Variants in KIF13A observed in about 807,000 individuals in gnomAD.
KIF13A encodes the protein kinesin family member 13A, also known as kinesin-like protein KIF13A.
KIF13A carries 79 observed loss-of-function variants against 212.2 expected under a neutral mutation model. The observed-to-expected ratio is 0.37, with a 90% CI of 0.31 to 0.45. The LOEUF (loss-of-function observed/expected upper bound fraction) is 0.45, where lower values mean the gene tolerates loss of function less well. Among genes scored for constraint, KIF13A ranks in the 20% least tolerant of loss-of-function variants. The probability of loss-of-function intolerance (pLI) is 1.00; values close to 1 mark genes in which losing one functional copy is unlikely to be tolerated. For synonymous variants in KIF13A, 789 were observed against 808.6 expected (o/e 0.98, Z 0.41); for missense variants, 1,901 against 2,209.0 (o/e 0.86, Z 2.79).
rs1447825810 is a variant in KIF13A, at chr6:17,772,562, T to G, written c.4325-503A>C. Among the ~76,000 whole-genome samples the G allele has an allele frequency of 2.0e-5, 3 of 152,240 alleles. No homozygotes were observed. The highest frequency in any genetic ancestry group is 4.4e-5 in the Non-Finnish European group (3 of 68,044). On this transcript the variant is annotated intron_variant, in intron 36 of 38. Transcript: ENST00000259711. This position sits in a 1 kb window ranked among gnomAD's most constrained non-coding sequence, Gnocchi z 4.8. ...GCTAGTCTGTGTGAACAAAGTGAGATAGCAAATTTCTACACTCTTTTCAAG... is the reference window on the plus strand; with the variant it reads ...GCTAGTCTGTGTGAACAAAGTGAGAGAGCAAATTTCTACACTCTTTTCAAG...
chr6:17,951,434 A>T lies in KIF13A; in HGVS notation c.146+35620T>A. 1.9e-6 allele frequency: 1 copy of T among 539,842 alleles called. No homozygotes were observed. Among genetic ancestry groups the T allele is most frequent in the Non-Finnish European group, 3.2e-6 (1 of 308,276 alleles). The allele number at this position is 539,842 out of a possible 1,614,324, so 33.4% of individuals were successfully genotyped here. ...ATGTGAGCCACTGTGACCAGCCTCA[A>T]TTTAAAAAAAAAAAAAAAACAGCTT... On this transcript the variant is annotated intron_variant, in intron 2 of 38. Transcript: ENST00000259711. This position sits in a 1 kb window ranked among gnomAD's most constrained non-coding sequence, Gnocchi z 4.9.
intron 3 of KIF13A, among the ~76,000 whole-genome samples, chr6:17,876,367 C>A (rs1770558091): frequency 6.6e-6 from 1 of 152,130 alleles, no homozygotes; most frequent in Non-Finnish European, 1.5e-5. Flanking sequence ...TGGAACTTGT[C>A]CTTACCTCAG....
chr6:17,952,763 T>C (rs1023756682), intron 2 of KIF13A, among the ~76,000 whole-genome samples: 1 of 151,820 alleles, frequency 6.6e-6, no homozygotes, highest in African/African-American at 2.4e-5. Context: ...ACACTGTCTC[T>C]ACTAAAAATA....
chr6:17,781,015 T>C (rs2150307333), intron 30 of KIF13A, 109 bp from the exon 31 acceptor site: 4 of 1,347,610 alleles, frequency 3.0e-6, no homozygotes, highest in South Asian at 1.3e-5. Flanking sequence ...TGTAATCAAA[T>C]AGATTTCTTT....
chr6:17,946,000 T>TTAAAAAAA lies in KIF13A; in HGVS notation c.146+41046_146+41053dup, dbSNP rs1431557723. Among the ~76,000 whole-genome samples, 82 of 152,186 alleles carry TTAAAAAAA rather than the reference T, an allele frequency of 5.4e-4. 1 individual carries two copies. Among genetic ancestry groups the TTAAAAAAA allele is most frequent in the Admixed American group, 5.3e-3 (81 of 15,272 alleles). Reference sequence around the variant, plus strand: ...GAAATTAATCTCTACTTCATACTGTTTAAAAAAATAAATTTCAAGGATTTA... The same window carrying TTAAAAAAA: ...GAAATTAATCTCTACTTCATACTGTTTAAAAAAATAAAAAAATAAATTTCAAGGATTTA... On this transcript the variant is annotated intron_variant, in intron 2 of 38. Coordinates refer to ENST00000259711, the MANE Select transcript of KIF13A (RefSeq NM_022113.6).
intron 3 of KIF13A, among the ~76,000 whole-genome samples, chr6:17,884,117 A>G (rs922679505): frequency 5.9e-5 from 9 of 152,010 alleles, no homozygotes; most frequent in Non-Finnish European, 1.2e-4. Flanking sequence ...ACCTCCTCCA[A>G]TGTTTTCTCA....
chr6:17,971,725 T>A lies in KIF13A; in HGVS notation c.146+15329A>T, dbSNP rs1435793897. 1.3e-5 allele frequency among the ~76,000 whole-genome samples: 2 copies of A among 152,150 alleles called. No homozygotes were observed. Among genetic ancestry groups the A allele is most frequent in the Non-Finnish European group, 2.9e-5 (2 of 68,034 alleles). On this transcript the variant is annotated intron_variant, in intron 2 of 38. Transcript: ENST00000259711. This position sits in a 1 kb window ranked among gnomAD's most constrained non-coding sequence, Gnocchi z 4.2. ...CAGGAGTGAGTCACCACGTCCGGCT[T>A]GCTCTTGTTTTAGTGTGATTACTCG...
At position 17,773,192 on chromosome 6, in the gene KIF13A, C is replaced by T. The variant is rs543153298; in HGVS notation, c.4324+286G>A. On this transcript the variant is annotated intron_variant, in intron 36 of 38. Transcript: ENST00000259711. The surrounding 1 kb of genome is among the most constrained non-coding windows in gnomAD (Gnocchi z 4.2). ...AGAAAATAATAGGATTTGTATGTGT[C>T]TCAAAACTGGACTTGAAAGTCAGGA... is the stretch of plus-strand genomic sequence containing the variant. 1.3e-5 allele frequency among the ~76,000 whole-genome samples: 2 copies of T among 152,172 alleles called. No individual in the cohort carries two copies. The highest frequency in any genetic ancestry group is 2.1e-4 in the South Asian group (1 of 4,830).
Position 17,811,493 on chromosome 6 carries a change from C to A in KIF13A, c.2001-2563G>T, listed in dbSNP as rs1173555070. Among the ~76,000 whole-genome samples, 1 of 152,164 alleles carries A rather than the reference C, an allele frequency of 6.6e-6. No homozygotes were observed. Among genetic ancestry groups the A allele is most frequent in the African/African-American group, 2.4e-5 (1 of 41,462 alleles). ...AATTTTCTATGACTTAATTTTTCCA[C>A]AAATTTATATCTTGTTTCATACTAC... On this transcript the variant is annotated intron_variant, in intron 17 of 38. Coordinates refer to ENST00000259711, the MANE Select transcript of KIF13A (RefSeq NM_022113.6). This position sits in a 1 kb window ranked among gnomAD's most constrained non-coding sequence, Gnocchi z 6.0.
chr6:17,772,909 C>T lies in KIF13A; in HGVS notation c.4324+569G>A, dbSNP rs537179218. On this transcript the variant is annotated intron_variant, in intron 36 of 38. Coordinates refer to ENST00000259711, the MANE Select transcript of KIF13A (RefSeq NM_022113.6). This position sits in a 1 kb window ranked among gnomAD's most constrained non-coding sequence, Gnocchi z 4.8. Reference sequence around the variant, plus strand: ...CCTTTTTGGCCTCTTTCCTCCCTTTCCAATTTGTTAGTATAATGGCGAATA... The same window carrying T: ...CCTTTTTGGCCTCTTTCCTCCCTTTTCAATTTGTTAGTATAATGGCGAATA... Among the ~76,000 whole-genome samples the T allele has an allele frequency of 3.3e-5, 5 of 152,240 alleles. No homozygotes were observed. The South Asian group carries it at 1.0e-3, about 32-fold the overall frequency.
At chr6:17,852,709 C>G in intron 6 of KIF13A, among the ~76,000 whole-genome samples, 1 of 152,148 alleles carries the variant, frequency 6.6e-6, no homozygotes, top group East Asian at 1.9e-4. Flanking sequence ...TGAGCCACCA[C>G]CGCCCAGTCA....
In KIF13A at chr6:17,780,925, T is replaced by C. The variant is rs1561963940; in HGVS notation, c.3670-19A>G. 7 of 1,606,852 alleles carry C rather than the reference T, an allele frequency of 4.4e-6. No individual in the cohort carries two copies. Among genetic ancestry groups the C allele is most frequent in the Non-Finnish European group, 2.6e-6 (3 of 1,174,918 alleles). On this transcript the variant is annotated intron_variant, in intron 30 of 38. Transcript: ENST00000259711. ...CTGAAACCTAGGAGTTGGGGAATGA[T>C]GAGGAGATGGAAACAAGACAAAAGT... is the stretch of plus-strand genomic sequence containing the variant.
chr6:17,807,247 T>A (rs1581367566), intron 18 of KIF13A, among the ~76,000 whole-genome samples: 1 of 152,138 alleles, frequency 6.6e-6, no homozygotes, highest in Non-Finnish European at 1.5e-5. Flanking sequence ...AAGAGCCATA[T>A]TTTTCTTCTT....
At chr6:17,975,085 T>C (rs1181276199) in intron 2 of KIF13A, among the ~76,000 whole-genome samples, 1 of 152,326 alleles carries the variant, frequency 6.6e-6, no homozygotes, top group Non-Finnish European at 1.5e-5. Context: ...GGTTCACACC[T>C]GTAATCCCAG....
intron 9 of KIF13A, among the ~76,000 whole-genome samples, chr6:17,842,349 C>G (rs916517543): frequency 1.3e-5 from 2 of 151,986 alleles, no homozygotes; most frequent in Non-Finnish European, 2.9e-5. Flanking sequence ...CTGAGCCTGG[C>G]CAGGCTTACA....
rs1177428862 is a variant in KIF13A, at chr6:17,968,120, T to C, written c.146+18934A>G. 6.6e-6 allele frequency among the ~76,000 whole-genome samples: 1 copy of C among 152,102 alleles called. No homozygotes were observed. Among genetic ancestry groups the C allele is most frequent in the Non-Finnish European group, 1.5e-5 (1 of 68,016 alleles). On this transcript the variant is annotated intron_variant, in intron 2 of 38. Coordinates refer to ENST00000259711, the MANE Select transcript of KIF13A (RefSeq NM_022113.6). The surrounding 1 kb of genome is among the most constrained non-coding windows in gnomAD (Gnocchi z 4.7). ...TGCTGCAGTGGGGAACAAAAAAATG[T>C]TGAAAACTGCCACAAGAGTAAGCAG...
intron 4 of KIF13A, among the ~76,000 whole-genome samples, chr6:17,865,742 A>G (rs894088726): frequency 6.6e-6 from 1 of 152,216 alleles, no homozygotes; most frequent in Non-Finnish European, 1.5e-5. Flanking sequence ...CAACTACAGA[A>G]AAGTCTACCA....
intron 4 of KIF13A, among the ~76,000 whole-genome samples, chr6:17,866,098 G>C (rs1769336096): frequency 6.6e-6 from 1 of 152,156 alleles, no homozygotes; most frequent in African/African-American, 2.4e-5. Flanking sequence ...TCATACAGGA[G>C]GGTGTTTCCC....
chr6:17,760,826 G>A (rs1419283323), downstream of KIF13A: 1 of 1,612,454 alleles, frequency 6.2e-7, no homozygotes, highest in Admixed American at 1.7e-5. Flanking sequence ...AAGACGCCAA[G>A]CTGTGGCCTG....
Sources: gnomAD v4.1 joint callset for allele counts (sites outside exome capture counted in the v4.1 genomes callset) on GRCh38, gnomAD v4.1.1 for gene constraint, Gnocchi (gnomAD v3.1) non-coding constraint, MANE v1.5 for transcripts, NCBI Gene and HGNC (gene_info 2026-07-23, HGNC 2026-07-21) for gene names.